Variants in ACKR3 observed in about 807,000 individuals in gnomAD.
The protein encoded by ACKR3 is C-X-C chemokine receptor type 7.
Under a neutral mutation model 22.4 loss-of-function variants are expected in ACKR3, and 6 were observed. The observed-to-expected ratio is 0.27, with a 90% CI of 0.15 to 0.53. The LOEUF (loss-of-function observed/expected upper bound fraction) is 0.53, where lower values mean the gene tolerates loss of function less well. Among genes scored for constraint, ACKR3 ranks in the 20% least tolerant of loss-of-function variants. ACKR3 has a pLI of 0.96. For missense variants in ACKR3, 396 were observed against 475.2 expected, an observed-to-expected ratio of 0.83 and a Z score of 1.55; for synonymous variants, 209 against 205.2, an observed-to-expected ratio of 1.02 and a Z score of -0.16.
chr2:236,550,580 G>A, the ACKR3 span, among the ~76,000 whole-genome samples: 11 of 152,232 alleles, frequency 7.2e-5, no homozygotes, highest in South Asian at 4.2e-4. The surrounding 1 kb of genome is among the most constrained non-coding windows in gnomAD (Gnocchi z 4.6). Flanking sequence ...CTTAGCTTCC[G>A]GCAATGTGGG....
chr2:236,563,814 A>T (rs1299201372), upstream of ACKR3, among the ~76,000 whole-genome samples: 1 of 152,144 alleles, frequency 6.6e-6, no homozygotes, highest in Non-Finnish European at 1.5e-5. Context: ...CTGACCCTTG[A>T]GAGACTGTCT....
upstream of ACKR3, among the ~76,000 whole-genome samples, chr2:236,564,779 G>C (rs1459442169): frequency 6.6e-6 from 1 of 152,110 alleles, no homozygotes; most frequent in Non-Finnish European, 1.5e-5. Context: ...GTAAAAGCAT[G>C]TGCCATGAAA....
At chr2:236,557,435 A>G in the ACKR3 span, among the ~76,000 whole-genome samples, 1 of 152,182 alleles carries the variant, frequency 6.6e-6, no homozygotes, top group Non-Finnish European at 1.5e-5. Context: ...GGAATCTTAA[A>G]TAAAGTGCAA....
At chr2:236,544,379 C>G in the ACKR3 span, among the ~76,000 whole-genome samples, 3 of 152,266 alleles carry the variant, frequency 2.0e-5, no homozygotes, top group East Asian at 3.9e-4. This position sits in a 1 kb window ranked among gnomAD's most constrained non-coding sequence, Gnocchi z 5.0. Context: ...TCAGTTGGGT[C>G]AGGGGTCATC....
chr2:236,544,726 G>A, the ACKR3 span, among the ~76,000 whole-genome samples: 1 of 152,188 alleles, frequency 6.6e-6, no homozygotes, highest in Admixed American at 6.5e-5. The surrounding 1 kb of genome is among the most constrained non-coding windows in gnomAD (Gnocchi z 5.0). Flanking sequence ...GGAATAAAAG[G>A]AAAAGTGGGG....
chr2:236,578,008 A>G (rs765747395), intron 1 of ACKR3, among the ~76,000 whole-genome samples: 19 of 152,354 alleles, frequency 1.2e-4, no homozygotes, highest in South Asian at 4.1e-4. Context: ...AAACCAAGCC[A>G]TGATGCAAAT....
chr2:236,566,499 C>T (rs1024216758), upstream of ACKR3, among the ~76,000 whole-genome samples: 5 of 151,652 alleles, frequency 3.3e-5, no homozygotes, highest in Non-Finnish European at 7.3e-5. Context: ...GTGAAAGGCA[C>T]TTGAAAAACA....
chr2:236,559,781 C>T, the ACKR3 span, among the ~76,000 whole-genome samples: 9,745 of 152,268 alleles, frequency 0.064, 396 homozygotes, highest in Non-Finnish European at 0.1. Flanking sequence ...TCCGGCACCA[C>T]AGATTAATAT....
In ACKR3 at chr2:236,581,038, CAAT is replaced by C; in HGVS notation, c.574_576del (p.Asn192del). On this transcript the variant is annotated inframe_deletion, in exon 2 of 2. Transcript: ENST00000272928. The surrounding 1 kb of genome is among the most constrained non-coding windows in gnomAD (Gnocchi z 4.4). ...TGAAGACCGTCACGTCTGCGTCCAA[CAAT>C]GAGACCTACTGCCGGTCCTTCTACC... 6.2e-7 allele frequency: 1 copy of C among 1,614,238 alleles called. No homozygotes were observed. The highest frequency in any genetic ancestry group is 8.5e-7 in the Non-Finnish European group (1 of 1,180,052).
At chr2:236,560,444 T>C in the ACKR3 span, among the ~76,000 whole-genome samples, 1 of 152,144 alleles carries the variant, frequency 6.6e-6, no homozygotes, top group African/African-American at 2.4e-5. Flanking sequence ...GATGATCTTT[T>C]TTCATATGCT....
chr2:236,581,224 C>T lies in ACKR3; in HGVS notation c.759C>T (p.Ile253=), dbSNP rs1691524810. The T allele has an allele frequency of 1.2e-6, 2 of 1,613,986 alleles. No individual in the cohort carries two copies. The highest frequency in any genetic ancestry group is 1.7e-6 in the Non-Finnish European group (2 of 1,179,886). ...SDQEKHSSRK[I]IFSYVVVFLV... ...AGGAGAAGCACAGCAGCCGGAAGAT[C>T]ATCTTCTCCTACGTGGTGGTCTTCC... Residue 253 remains isoleucine (I), a synonymous_variant, in exon 2 of 2, where the codon ATC becomes ATT. Transcript: ENST00000272928. This position sits in a 1 kb window ranked among gnomAD's most constrained non-coding sequence, Gnocchi z 4.4.
chr2:236,556,104 A>G, the ACKR3 span, among the ~76,000 whole-genome samples: 3 of 152,094 alleles, frequency 2.0e-5, no homozygotes, highest in Non-Finnish European at 4.4e-5. Context: ...GTGAGGAGTT[A>G]GAGTCCATGT....
At chr2:236,547,026 CTA>C in the ACKR3 span, among the ~76,000 whole-genome samples, 2 of 152,206 alleles carry the variant, frequency 1.3e-5, no homozygotes, top group Non-Finnish European at 2.9e-5. Context: ...AGCATTGACT[CTA>C]GAGTCAGAGA....
intron 1 of ACKR3, among the ~76,000 whole-genome samples, chr2:236,578,699 G>A (rs796356110): frequency 6.3e-4 from 96 of 152,330 alleles, no homozygotes; most frequent in African/African-American, 2.1e-3. Context: ...CTGTGGAGCC[G>A]AGGCCGCGAA....
chr2:236,555,875 T>C, the ACKR3 span, among the ~76,000 whole-genome samples: 1 of 151,650 alleles, frequency 6.6e-6, no homozygotes, highest in Non-Finnish European at 1.5e-5. Flanking sequence ...GCCACAGGGC[T>C]TCTGTAGAAG....
chr2:236,551,186 G>A, the ACKR3 span, among the ~76,000 whole-genome samples: 1 of 152,332 alleles, frequency 6.6e-6, no homozygotes, highest in East Asian at 1.9e-4. Flanking sequence ...GAAGCTTGGT[G>A]CCTCTTCTCC....
chr2:236,562,384 A>C, the ACKR3 span, among the ~76,000 whole-genome samples: 1 of 151,998 alleles, frequency 6.6e-6, no homozygotes, highest in Non-Finnish European at 1.5e-5. Flanking sequence ...TCTCTTTATG[A>C]AGGATATTGG....
At chr2:236,551,290 C>A in the ACKR3 span, among the ~76,000 whole-genome samples, 1 of 152,220 alleles carries the variant, frequency 6.6e-6, no homozygotes, top group Non-Finnish European at 1.5e-5. Flanking sequence ...CCCCTCCTAC[C>A]CGGCCATTTG....
intron 1 of ACKR3, among the ~76,000 whole-genome samples, chr2:236,575,619 GTGTC>G (rs1216973785): frequency 6.4e-5 from 8 of 125,590 alleles, no homozygotes; most frequent in Admixed American, 3.0e-4. Flanking sequence ...GTGTGTGTGT[GTGTC>G]TGGGGTTGTG....
Sources: gnomAD v4.1 joint callset for allele counts (sites outside exome capture counted in the v4.1 genomes callset) on GRCh38, gnomAD v4.1.1 for gene constraint, Gnocchi (gnomAD v3.1) non-coding constraint, MANE v1.5 for transcripts, NCBI Gene and HGNC (gene_info 2026-07-23, HGNC 2026-07-21) for gene names.